ZNF385B: variants seen among roughly 807,000 people sequenced by gnomAD.
ZNF385B encodes the protein zinc finger protein 385B.
A neutral mutation model predicts 39.2 loss-of-function variants in ZNF385B; 23 were observed. That is an observed-to-expected ratio of 0.59 (90% CI 0.42 to 0.83). ZNF385B has a LOEUF of 0.83. Ranked by LOEUF, ZNF385B falls within the 40% of genes least tolerant of loss-of-function variation. The probability of loss-of-function intolerance (pLI) is 0.00; values close to 1 mark genes in which losing one functional copy is unlikely to be tolerated. For missense variants in ZNF385B, 552 were observed against 598.9 expected (o/e 0.92, Z 0.82); for synonymous variants, 205 against 222.6 (o/e 0.92, Z 0.70).
chr2:179,543,251 G>A (rs1283067090), intron 4 of ZNF385B, among the ~76,000 whole-genome samples: 2 of 152,120 alleles, frequency 1.3e-5, no homozygotes, highest in African/African-American at 4.8e-5. Context: ...CAGCCTGGGC[G>A]ACAGAGCAAG....
At chr2:179,595,254 C>A (rs1425160028) in intron 3 of ZNF385B, among the ~76,000 whole-genome samples, 1 of 152,160 alleles carries the variant, frequency 6.6e-6, no homozygotes, top group Non-Finnish European at 1.5e-5. Flanking sequence ...ATTTTGCCTT[C>A]CTCAATGAAA....
chr2:179,730,073 T>A (rs1412019414), intron 3 of ZNF385B, among the ~76,000 whole-genome samples: 1 of 152,202 alleles, frequency 6.6e-6, no homozygotes, highest in Non-Finnish European at 1.5e-5. Context: ...TAGTTGTTAA[T>A]TCTAAATTGT....
chr2:179,807,366 G>A (rs1288391454), intron 1 of ZNF385B, among the ~76,000 whole-genome samples: 1 of 152,204 alleles, frequency 6.6e-6, no homozygotes, highest in Non-Finnish European at 1.5e-5. Flanking sequence ...GGGAGGCCGA[G>A]GTGGGCAGAT....
At chr2:179,565,791 CTCT>C in intron 3 of ZNF385B, among the ~76,000 whole-genome samples, 1 of 152,262 alleles carries the variant, frequency 6.6e-6, no homozygotes, top group Non-Finnish European at 1.5e-5. Context: ...GAAGCCTTCC[CTCT>C]TTTTTCAGAA....
intron 5 of ZNF385B, among the ~76,000 whole-genome samples, chr2:179,503,255 G>A (rs2056926981): frequency 6.6e-6 from 1 of 152,138 alleles, no homozygotes; most frequent in African/African-American, 2.4e-5. Flanking sequence ...AAGTGGTTCT[G>A]CTGGTGCTCT....
At chr2:179,495,051 G>A (rs1173111012) in intron 5 of ZNF385B, among the ~76,000 whole-genome samples, 1 of 152,080 alleles carries the variant, frequency 6.6e-6, no homozygotes. Flanking sequence ...AGAGCACCAC[G>A]TGTACTCCTG....
At chr2:179,748,192 C>G (rs576414951) in intron 3 of ZNF385B, among the ~76,000 whole-genome samples, 2 of 151,948 alleles carry the variant, frequency 1.3e-5, no homozygotes, top group African/African-American at 4.8e-5. Flanking sequence ...CAAAGCAGAG[C>G]AGATATGTGG....
At chr2:179,821,326 G>T (rs1195224041) in intron 1 of ZNF385B, among the ~76,000 whole-genome samples, 2 of 152,240 alleles carry the variant, frequency 1.3e-5, no homozygotes, top group Admixed American at 6.5e-5. Context: ...TATCAGAAAT[G>T]CTCATATTAC....
rs190532339 is a variant in ZNF385B, at chr2:179,522,594, T to C, written c.442-3956A>G. ...AATTACTGGAGGTACTGCAACTACA[T>C]AACAAATTCTGATTTTTAAAGATTC... On this transcript the variant is annotated intron_variant, in intron 4 of 9. Transcript: ENST00000410066. 1.3e-3 allele frequency among the ~76,000 whole-genome samples: 191 copies of C among 152,316 alleles called. 1 individual carries two copies. The highest frequency in any genetic ancestry group is 4.4e-3 in the African/African-American group (181 of 41,584).
chr2:179,810,458 C>T (rs1706663570), intron 1 of ZNF385B, among the ~76,000 whole-genome samples: 1 of 151,736 alleles, frequency 6.6e-6, no homozygotes, highest in African/African-American at 2.4e-5. Flanking sequence ...TGTTTATATA[C>T]ATTGACACAA....
rs939337186 is a variant in ZNF385B, at chr2:179,627,746, C to A, written c.299-82777G>T. On this transcript the variant is annotated intron_variant, in intron 3 of 9. Coordinates refer to ENST00000410066, the MANE Select transcript of ZNF385B (RefSeq NM_152520.6). The stretch of plus-strand genomic sequence containing the variant: ...AGAGCTATTTACTAGCACACTACTG[C>A]CTATAATATTTGTATTTAATATTTT... Among the ~76,000 whole-genome samples the A allele has an allele frequency of 2.0e-5, 3 of 152,062 alleles. No individual in the cohort carries two copies. In the East Asian group the frequency reaches 5.8e-4, roughly 29 times the overall value.
At chr2:179,522,827 T>C in intron 4 of ZNF385B, 1 of 383,522 alleles carries the variant, frequency 2.6e-6, no homozygotes, top group Admixed American at 3.8e-5. Flanking sequence ...CTAAAGATGC[T>C]TTTTTAAAGA....
intron 3 of ZNF385B, among the ~76,000 whole-genome samples, chr2:179,723,027 T>C (rs76880839): frequency 0.021 from 3,143 of 152,224 alleles, 101 homozygotes; most frequent in African/African-American, 0.069. Context: ...AACCACCAGA[T>C]TGTCAACAAT....
intron 3 of ZNF385B, among the ~76,000 whole-genome samples, chr2:179,625,729 T>C (rs1575019001): frequency 6.6e-6 from 1 of 152,126 alleles, no homozygotes; most frequent in South Asian, 2.1e-4. Flanking sequence ...GAAAACGATA[T>C]CATAACTATG....
At chr2:179,556,629 C>T (rs2060923327) in intron 3 of ZNF385B, among the ~76,000 whole-genome samples, 1 of 149,318 alleles carries the variant, frequency 6.7e-6, no homozygotes, top group Admixed American at 6.7e-5. Flanking sequence ...GAGGTCACAG[C>T]GCCTGATGAA....
intron 3 of ZNF385B, among the ~76,000 whole-genome samples, chr2:179,648,786 T>C (rs997814963): frequency 4.0e-5 from 6 of 151,804 alleles, no homozygotes; most frequent in Admixed American, 2.0e-4. Context: ...TCTGGGAAAA[T>C]TTGCACATCA....
intron 1 of ZNF385B, among the ~76,000 whole-genome samples, chr2:179,848,684 T>C (rs1434566402): frequency 6.6e-6 from 1 of 152,210 alleles, no homozygotes; most frequent in Non-Finnish European, 1.5e-5. Context: ...AATGTTAAAA[T>C]AAATATAGTC....
chr2:179,692,458 G>A (rs761106929), intron 3 of ZNF385B, among the ~76,000 whole-genome samples: 6 of 151,960 alleles, frequency 3.9e-5, no homozygotes, highest in Non-Finnish European at 8.8e-5. Flanking sequence ...CCAAATCCCC[G>A]TTTCCCTCAG....
intron 5 of ZNF385B, among the ~76,000 whole-genome samples, chr2:179,490,834 G>T (rs1033612011): frequency 6.6e-6 from 1 of 152,090 alleles, no homozygotes; most frequent in Non-Finnish European, 1.5e-5. Context: ...GTAGCACAGC[G>T]CATAAGAGAG....
Sources: gnomAD v4.1 joint callset for allele counts (sites outside exome capture counted in the v4.1 genomes callset) on GRCh38, gnomAD v4.1.1 for gene constraint, MANE v1.5 for transcripts, NCBI Gene and HGNC (gene_info 2026-07-23, HGNC 2026-07-21) for gene names.